The following TACC1 variants were observed in gnomAD, a reference collection of about 807,000 sequenced individuals.
TACC1 encodes transforming acidic coiled-coil containing protein 1.
In TACC1, 48 loss-of-function variants were observed where a neutral mutation model predicts 84.4. The ratio of observed to expected loss-of-function variants is 0.57; its 90% CI spans 0.45 to 0.72. TACC1 has a LOEUF of 0.72. TACC1 is among the 30% of genes least tolerant of loss of function. The pLI is 0.00. For synonymous variants in TACC1, 372 were observed against 376.3 expected, an observed-to-expected ratio of 0.99 and a Z score of 0.13; for missense variants, 920 against 973.0, an observed-to-expected ratio of 0.95 and a Z score of 0.72.
At chr8:38,775,003 T>C (rs1587538657) in intron 3 of TACC1, among the ~76,000 whole-genome samples, 2 of 122,846 alleles carry the variant, frequency 1.6e-5, no homozygotes, top group Admixed American at 9.2e-5. Flanking sequence ...ACGGTGAGAC[T>C]CCGTCTCAAA....
At chr8:38,774,750 C>T (rs1814449611) in intron 3 of TACC1, among the ~76,000 whole-genome samples, 1 of 152,156 alleles carries the variant, frequency 6.6e-6, no homozygotes, top group African/African-American at 2.4e-5. Flanking sequence ...CGGTGGCTCA[C>T]GCCTGTAATC....
At chr8:38,809,529 C>T (rs573622778) in intron 2 of TACC1, among the ~76,000 whole-genome samples, 23 of 152,086 alleles carry the variant, frequency 1.5e-4, no homozygotes, top group Non-Finnish European at 2.6e-4. Context: ...TTGGTAAAAG[C>T]AGCTGGTGGA....
rs1347113088 is a variant in TACC1, at chr8:38,825,378, T to G, written c.1452+10T>G. 8.1e-6 allele frequency: 13 copies of G among 1,614,006 alleles called. No homozygotes were observed. The highest frequency in any genetic ancestry group is 1.1e-5 in the Non-Finnish European group (13 of 1,179,974). ...GGATGCATGTTCTCGGGTGAGTCTG[T>G]GCCCATCTCCAGAATGTCTCTGAGA... On this transcript the variant is annotated intron_variant, in intron 4 of 12. Coordinates refer to ENST00000317827, the MANE Select transcript of TACC1 (RefSeq NM_006283.3).
chr8:38,844,420 C>T (rs559478572), intron 11 of TACC1, among the ~76,000 whole-genome samples: 11 of 152,178 alleles, frequency 7.2e-5, no homozygotes, highest in Admixed American at 3.9e-4. Flanking sequence ...GTGATCCGCC[C>T]GCCTCAGCTT....
intron 1 of TACC1, among the ~76,000 whole-genome samples, chr8:38,739,271 G>T (rs953893781): frequency 1.1e-4 from 17 of 152,236 alleles, no homozygotes; most frequent in African/African-American, 3.6e-4. Context: ...TTGTCATATG[G>T]GTCACTGTAG....
At chr8:38,750,743 G>T (rs2151739935) in intron 3 of TACC1, among the ~76,000 whole-genome samples, 1 of 152,280 alleles carries the variant, frequency 6.6e-6, no homozygotes. Flanking sequence ...CTTAGCAAAA[G>T]ACATGTATGA....
chr8:38,735,256 C>T (rs1805743937), intron 1 of TACC1, among the ~76,000 whole-genome samples: 1 of 152,176 alleles, frequency 6.6e-6, no homozygotes, highest in Admixed American at 6.5e-5. Context: ...TGGGGAGTTG[C>T]CTTGGGTCAC....
upstream of TACC1, among the ~76,000 whole-genome samples, chr8:38,785,170 G>T (rs553980702): frequency 4.4e-3 from 667 of 152,238 alleles, 1 homozygote; most frequent in Non-Finnish European, 7.1e-3. Context: ...CCAGGAATTC[G>T]CAAAGCTCCC....
chr8:38,807,615 C>T (rs1427936538), intron 2 of TACC1, among the ~76,000 whole-genome samples: 1 of 152,236 alleles, frequency 6.6e-6, no homozygotes, highest in Non-Finnish European at 1.5e-5. Context: ...TTTATCTCTT[C>T]TTAAATGAGA....
chr8:38,766,814 A>G (rs1812342020), intron 3 of TACC1, among the ~76,000 whole-genome samples: 1 of 152,080 alleles, frequency 6.6e-6, no homozygotes, highest in Admixed American at 6.5e-5. Context: ...TTCAGTCCTG[A>G]TGAACCTGGC....
chr8:38,731,087 C>G (rs1739282478), intron 1 of TACC1, among the ~76,000 whole-genome samples: 1 of 152,066 alleles, frequency 6.6e-6, no homozygotes. Context: ...ACCACTATGC[C>G]TGGCTATTTT....
chr8:38,767,127 C>T (rs576417735), intron 3 of TACC1, among the ~76,000 whole-genome samples: 11 of 152,264 alleles, frequency 7.2e-5, no homozygotes, highest in South Asian at 4.1e-4. Context: ...TTCCTAACAA[C>T]GGCAAAATGT....
chr8:38,816,302 A>T (rs555030368), intron 2 of TACC1, among the ~76,000 whole-genome samples: 13 of 152,232 alleles, frequency 8.5e-5, no homozygotes, highest in Middle Eastern at 3.4e-3. Flanking sequence ...GTATCATTTT[A>T]AAAAAATCTC....
intron 2 of TACC1, among the ~76,000 whole-genome samples, chr8:38,797,332 T>C (rs1820235623): frequency 6.6e-6 from 1 of 152,232 alleles, no homozygotes; most frequent in Admixed American, 6.5e-5. Flanking sequence ...CACAAAGCCC[T>C]TTTCCACTTT....
chr8:38,835,861 C>T (rs184233900), intron 6 of TACC1, among the ~76,000 whole-genome samples: 7 of 152,252 alleles, frequency 4.6e-5, no homozygotes, highest in African/African-American at 1.7e-4. Flanking sequence ...CTCTTTTATC[C>T]ATGTGGTTCT....
rs369893284 is a variant in TACC1 at position 38,827,294 on chromosome 8, C to T, written c.1579C>T (p.Pro527Ser). The change falls in exon 5 of 13, where the codon CCA becomes TCA. Residue 527 changes from proline (P) to serine (S), a missense_variant. Pro to Ser is a moderately conservative substitution (Grantham distance 74, BLOSUM62 -1). Coordinates refer to ENST00000317827, the MANE Select transcript of TACC1 (RefSeq NM_006283.3). ...KSAGAEVKGE[P>S]EEDLEYFECS... ...AGCTGGTGCCGAGGTGAAAGGTGAG[C>T]CAGAGGAAGACCTGGAGTACTTTGA... 3 of 1,614,160 alleles carry T rather than the reference C, an allele frequency of 1.9e-6. No homozygotes were observed. Among genetic ancestry groups the T allele is most frequent in the Non-Finnish European group, 2.5e-6 (3 of 1,180,034 alleles).
At chr8:38,847,081 T>C (rs1161678157) in intron 12 of TACC1, among the ~76,000 whole-genome samples, 1 of 152,236 alleles carries the variant, frequency 6.6e-6, no homozygotes. Flanking sequence ...AGCTTCCTAG[T>C]TGGGGTCATG....
intron 2 of TACC1, among the ~76,000 whole-genome samples, chr8:38,812,593 T>G (rs1824474412): frequency 6.6e-6 from 1 of 152,236 alleles, no homozygotes; most frequent in African/African-American, 2.4e-5. Context: ...TTTTACACTC[T>G]TTAATCCTTT....
chr8:38,736,909 C>T (rs1806076649), intron 1 of TACC1, among the ~76,000 whole-genome samples: 1 of 152,138 alleles, frequency 6.6e-6, no homozygotes, highest in Non-Finnish European at 1.5e-5. Flanking sequence ...CTGAAGCCAG[C>T]TGATTTGTTA....
Sources: allele counts gnomAD v4.1 joint callset (sites outside exome capture counted in the v4.1 genomes callset), GRCh38; gene constraint gnomAD v4.1.1; transcripts MANE v1.5; gene names NCBI Gene and HGNC (gene_info 2026-07-23, HGNC 2026-07-21).